Variants in STPG4 observed in about 807,000 individuals in gnomAD.
The protein encoded by STPG4 is protein STPG4.
STPG4 carries 41 observed loss-of-function variants against 31.5 expected under a neutral mutation model. That is an observed-to-expected ratio of 1.30 (90% CI 1.01 to 1.69). The LOEUF (loss-of-function observed/expected upper bound fraction) is 1.69. Ranked by LOEUF, STPG4 falls within the 40% of genes most tolerant of loss-of-function variation. The probability of loss-of-function intolerance (pLI) is 0.00; values close to 1 mark genes in which losing one functional copy is unlikely to be tolerated. For missense variants in STPG4, 375 were observed against 293.4 expected (o/e 1.28, Z -2.03); for synonymous variants, 141 against 103.0 (o/e 1.37, Z -2.24).
intron 3 of STPG4, among the ~76,000 whole-genome samples, chr2:47,148,298 AAACT>A (rs1686867601): frequency 6.6e-6 from 1 of 152,168 alleles, no homozygotes; most frequent in East Asian, 1.9e-4. Flanking sequence ...AAGGGTTGAA[AAACT>A]AACTATTGGG....
At chr2:47,115,182 T>A (rs12992649) in intron 5 of STPG4, among the ~76,000 whole-genome samples, 5,392 of 152,306 alleles carry the variant, frequency 0.035, 97 homozygotes, top group Middle Eastern at 0.099. Context: ...TCATATCAGC[T>A]GTTCTTGTGC....
At chr2:47,131,014 A>T (rs918315966) in intron 3 of STPG4, among the ~76,000 whole-genome samples, 3 of 151,448 alleles carry the variant, frequency 2.0e-5, no homozygotes, top group Non-Finnish European at 4.4e-5. Flanking sequence ...GGATCTCACT[A>T]TGTTGCCCGG....
intron 5 of STPG4, among the ~76,000 whole-genome samples, chr2:47,097,378 G>A (rs1685694909): frequency 1.3e-5 from 2 of 152,270 alleles, no homozygotes; most frequent in African/African-American, 4.8e-5. Context: ...TGGTCTGGAT[G>A]CTGATGTCCC....
At chr2:47,130,488 C>T (rs1024522585) in intron 3 of STPG4, among the ~76,000 whole-genome samples, 10 of 152,162 alleles carry the variant, frequency 6.6e-5, no homozygotes, top group Admixed American at 2.0e-4. Flanking sequence ...TGAGATGCTG[C>T]ATAGGAAAAT....
At chr2:47,141,574 TCTG>T (rs1686709166) in intron 3 of STPG4, among the ~76,000 whole-genome samples, 1 of 150,596 alleles carries the variant, frequency 6.6e-6, no homozygotes, top group South Asian at 2.1e-4. Flanking sequence ...AAAAAAAAAA[TCTG>T]CTAAATAAGC....
chr2:47,095,490 T>TGGGACTTCCA (rs1226278657), intron 5 of STPG4, among the ~76,000 whole-genome samples: 2 of 152,208 alleles, frequency 1.3e-5, no homozygotes, highest in East Asian at 3.8e-4. Context: ...CACCTTGGGC[T>TGGGACTTCCA]GGGACTTCCA....
chr2:47,092,020 T>C (rs772498443), intron 5 of STPG4, among the ~76,000 whole-genome samples: 1 of 149,408 alleles, frequency 6.7e-6, no homozygotes, highest in South Asian at 2.1e-4. Flanking sequence ...AAATGCAAGC[T>C]GAACAAATGT....
At position 47,099,888 on chromosome 2, in the gene STPG4, G is replaced by A. The variant is rs574484157; in HGVS notation, c.520-9514C>T. ...GCTTAGCACCCAGGCCAGCAGCTGCGGAGGGTGTACTGGGTCCCCCAGCAG... is the reference window on the plus strand; with the variant it reads ...GCTTAGCACCCAGGCCAGCAGCTGCAGAGGGTGTACTGGGTCCCCCAGCAG... On this transcript the variant is annotated intron_variant, in intron 5 of 6. Transcript: ENST00000445927. Among the ~76,000 whole-genome samples the A allele has an allele frequency of 9.2e-5, 14 of 152,248 alleles. No homozygotes were observed. The East Asian group carries it at 1.2e-3, about 13-fold the overall frequency.
At chr2:47,147,591 G>A (rs1368699355) in intron 3 of STPG4, among the ~76,000 whole-genome samples, 1 of 152,164 alleles carries the variant, frequency 6.6e-6, no homozygotes, top group Non-Finnish European at 1.5e-5. Context: ...GTAGCAGAAA[G>A]TTCAAGAAAC....
intron 5 of STPG4, among the ~76,000 whole-genome samples, chr2:47,112,058 A>G (rs1192901372): frequency 6.6e-6 from 1 of 152,072 alleles, no homozygotes; most frequent in African/African-American, 2.4e-5. Flanking sequence ...TTCTAAATTC[A>G]AACTTAATGT....
At chr2:47,103,058 G>GCCGACGAAAGGGACAAATT (rs2103742628) in intron 5 of STPG4, among the ~76,000 whole-genome samples, 1 of 152,028 alleles carries the variant, frequency 6.6e-6, no homozygotes, top group African/African-American at 2.4e-5. Flanking sequence ...CAGAATGACA[G>GCCGACGAAAGGGACAAATT]CCGACGAAAG....
chr2:47,097,953 TAAAAAAA>T (rs35729993), intron 5 of STPG4, among the ~76,000 whole-genome samples: 2 of 130,082 alleles, frequency 1.5e-5, no homozygotes, highest in African/African-American at 5.6e-5. Context: ...CCCCATCTCT[TAAAAAAA>T]AAAAAAAAAA....
intron 5 of STPG4, among the ~76,000 whole-genome samples, chr2:47,119,944 G>C (rs993770397): frequency 6.6e-6 from 1 of 152,186 alleles, no homozygotes; most frequent in African/African-American, 2.4e-5. Flanking sequence ...TAGCCTAAAA[G>C]GGTGACATTG....
chr2:47,104,327 G>A (rs575003802), intron 5 of STPG4, among the ~76,000 whole-genome samples: 1 of 151,992 alleles, frequency 6.6e-6, no homozygotes, highest in African/African-American at 2.4e-5. Context: ...GGCTTAGTAA[G>A]GAAATGCAGC....
intron 5 of STPG4, among the ~76,000 whole-genome samples, chr2:47,123,731 G>C (rs1278121727): frequency 6.6e-6 from 1 of 152,042 alleles, no homozygotes; most frequent in African/African-American, 2.4e-5. Flanking sequence ...TAGTCATTCA[G>C]AGCTTATCTA....
chr2:47,099,902 G>T (rs1244225086), intron 5 of STPG4, among the ~76,000 whole-genome samples: 1 of 152,152 alleles, frequency 6.6e-6, no homozygotes. Flanking sequence ...GGTGTACTGG[G>T]TCCCCCAGCA....
In STPG4 at chr2:47,087,034, T is replaced by C. The variant is rs1437770867; in HGVS notation, c.721A>G (p.Asn241Asp). Reference protein sequence around the residue: ...KMGQEHSLFFNNNNWLLK With the variant: ...KMGQEHSLFFDNNNWLLK ...TATTTTAAAAGCCAATTGTTGTTGT[T>C]GAAGAAAAGGCTATGCTCTTGGCCC... The change falls in exon 7 of 7, where the codon AAC becomes GAC. Residue 241 changes from asparagine (N) to aspartate (D), a missense_variant. Coordinates refer to ENST00000445927, the MANE Select transcript of STPG4 (RefSeq NM_001163561.2). 1 of 1,551,746 alleles carries C rather than the reference T, an allele frequency of 6.4e-7. No homozygotes were observed. Among genetic ancestry groups the C allele is most frequent in the South Asian group, 1.2e-5 (1 of 84,066 alleles).
chr2:47,103,220 A>G (rs181204197), intron 5 of STPG4, among the ~76,000 whole-genome samples: 70 of 152,050 alleles, frequency 4.6e-4, no homozygotes, highest in African/African-American at 1.3e-3. Flanking sequence ...GAATTATTCA[A>G]TGATGTCCAC....
chr2:47,115,192 C>T (rs920072550), intron 5 of STPG4, among the ~76,000 whole-genome samples: 1 of 151,902 alleles, frequency 6.6e-6, no homozygotes, highest in African/African-American at 2.4e-5. Flanking sequence ...TGTTCTTGTG[C>T]CCCTTTTTCT....
Sources: allele counts gnomAD v4.1 joint callset (sites outside exome capture counted in the v4.1 genomes callset), GRCh38; gene constraint gnomAD v4.1.1; transcripts MANE v1.5; gene names NCBI Gene and HGNC (gene_info 2026-07-23, HGNC 2026-07-21).